The following MBNL3 variants were observed in gnomAD, a reference collection of about 807,000 sequenced individuals.
MBNL3 encodes the protein muscleblind-like protein 3.
Under a neutral mutation model 24.5 loss-of-function variants are expected in MBNL3, and 6 were observed. The ratio of observed to expected loss-of-function variants is 0.25; its 90% confidence interval spans 0.13 to 0.48. The LOEUF is 0.48. Among genes scored for constraint, MBNL3 ranks in the 20% least tolerant of loss-of-function variants. MBNL3 has a pLI of 0.99. For missense variants in MBNL3, 230 were observed against 293.5 expected (o/e 0.78, Z 1.58); for synonymous variants, 100 against 101.7 (o/e 0.98, Z 0.10).
chrX:132,413,362 T>G, intron 2 of MBNL3: 1 of 525,865 alleles, frequency 1.9e-6, no homozygotes, highest in Non-Finnish European at 2.9e-6. Flanking sequence ...AAAAAAATTT[T>G]TTAGTATAAG....
At chrX:132,414,275 A>G (rs773443457) in intron 2 of MBNL3, among the ~76,000 whole-genome samples, 2 of 112,671 alleles carry the variant, frequency 1.8e-5, no homozygotes, top group South Asian at 7.3e-4. Context: ...TTATTTTTTC[A>G]TTAAGAATGC....
intron 1 of MBNL3, among the ~76,000 whole-genome samples, chrX:132,472,333 T>C (rs1443245221): frequency 8.9e-6 from 1 of 112,062 alleles, no homozygotes; most frequent in Non-Finnish European, 1.9e-5. Flanking sequence ...GGAGGTCTGA[T>C]GATGTACAGA....
intron 1 of MBNL3, among the ~76,000 whole-genome samples, chrX:132,475,404 A>G (rs777108473): frequency 1.8e-5 from 2 of 112,242 alleles, no homozygotes; most frequent in Admixed American, 9.5e-5. Flanking sequence ...CAAATGATGA[A>G]GCAAGACAGA....
intron 1 of MBNL3, among the ~76,000 whole-genome samples, chrX:132,453,720 A>C (rs754547459): frequency 1.8e-5 from 2 of 111,478 alleles, no homozygotes; most frequent in African/African-American, 6.5e-5. Context: ...TTGAACAATA[A>C]ATTTTTGGGT....
chrX:132,388,219 G>C (rs927784783), intron 5 of MBNL3, among the ~76,000 whole-genome samples: 1 of 111,713 alleles, frequency 9.0e-6, no homozygotes, highest in African/African-American at 3.3e-5. Context: ...CCTAAATAAA[G>C]AAAAGCATGC....
At chrX:132,396,419 TATATATATTCCTATATATATTC>T (rs1200524588) in intron 3 of MBNL3, among the ~76,000 whole-genome samples, 4 of 79,576 alleles carry the variant, frequency 5.0e-5, no homozygotes, top group Admixed American at 1.6e-4. Context: ...TATATTCCTA[TATATATATTCCTATATATATTC>T]ATATATATTC....
Position 132,373,907 on chromosome X carries a change from A to C in MBNL3, c.*5759T>G, listed in dbSNP as rs1295036306. The C allele has an allele frequency of 9.0e-6, 1 of 111,728 alleles. No homozygotes were observed. Among genetic ancestry groups the C allele is most frequent in the Non-Finnish European group, 1.9e-5 (1 of 52,977 alleles). The allele number at this position is 111,728 out of a possible 1,213,427, so 9.2% of individuals were successfully genotyped here. On this transcript the variant is annotated 3_prime_UTR_variant, in exon 9 of 9. Coordinates refer to ENST00000370853, the MANE Select transcript of MBNL3 (RefSeq NM_001386889.1). ...TAATCTGGTAAAGGTAGGTCAAAAA[A>C]CAGCTTCCACTGAACAGGTATAATG...
intron 8 of MBNL3, 39 bp downstream of exon 8, chrX:132,382,139 A>G (rs1429261283): frequency 8.9e-7 from 1 of 1,127,790 alleles, no homozygotes; most frequent in Non-Finnish European, 1.2e-6. Flanking sequence ...AAAACATTGT[A>G]GTTATCTTGA....
chrX:132,409,032 A>G (rs924053518), intron 2 of MBNL3, among the ~76,000 whole-genome samples: 1 of 112,476 alleles, frequency 8.9e-6, no homozygotes, highest in Non-Finnish European at 1.9e-5. Flanking sequence ...GAGGAGACCA[A>G]GTAATTTAAC....
At chrX:132,429,958 T>C (rs1944604079) in intron 2 of MBNL3, 1 of 111,718 alleles carries the variant, frequency 9.0e-6, no homozygotes, top group Non-Finnish European at 1.9e-5. Context: ...AACTGAACGT[T>C]CTTCCTTCTA....
intron 2 of MBNL3, among the ~76,000 whole-genome samples, chrX:132,412,312 TG>T (rs1243007269): frequency 1.8e-5 from 2 of 111,363 alleles, no homozygotes; most frequent in Admixed American, 9.5e-5. Flanking sequence ...AATCAGCACC[TG>T]GGCCTGCCCA....
chrX:132,396,317 T>G (rs1239649271), intron 3 of MBNL3, among the ~76,000 whole-genome samples: 2 of 65,477 alleles, frequency 3.1e-5, no homozygotes, highest in African/African-American at 1.1e-4. Flanking sequence ...AAGCACCAAA[T>G]ATATATTCAT....
chrX:132,410,112 C>A (rs1942510930), intron 2 of MBNL3, among the ~76,000 whole-genome samples: 1 of 112,044 alleles, frequency 8.9e-6, no homozygotes, highest in Admixed American at 9.4e-5. Context: ...AAGTTGATGA[C>A]AGACAAAGGG....
intron 3 of MBNL3, among the ~76,000 whole-genome samples, chrX:132,396,568 CTATATATATTCCTA>C (rs1480016663): frequency 9.6e-5 from 3 of 31,316 alleles, no homozygotes; most frequent in Non-Finnish European, 1.4e-4. Flanking sequence ...ATATATATTC[CTATATATATTCCTA>C]TATATATTCC....
At chrX:132,380,099 A>G (rs996295443) in intron 8 of MBNL3, among the ~76,000 whole-genome samples, 2 of 112,353 alleles carry the variant, frequency 1.8e-5, no homozygotes, top group Non-Finnish European at 3.8e-5. Flanking sequence ...GAAGTAGCCT[A>G]CCTGTGAAAT....
At chrX:132,424,581 G>C (rs1313415700) in intron 2 of MBNL3, among the ~76,000 whole-genome samples, 4 of 111,713 alleles carry the variant, frequency 3.6e-5, no homozygotes, top group Non-Finnish European at 7.5e-5. Flanking sequence ...ATTCTCTCTT[G>C]GGGGTGGAGG....
chrX:132,390,265 C>CAAA (rs59093044), intron 5 of MBNL3, among the ~76,000 whole-genome samples: 19 of 31,605 alleles, frequency 6.0e-4, no homozygotes, highest in South Asian at 3.9e-3. Flanking sequence ...ACAACAACAA[C>CAAA]AAAAAAAAAA....
chrX:132,471,469 G>A, intron 1 of MBNL3, among the ~76,000 whole-genome samples: 1 of 112,379 alleles, frequency 8.9e-6, no homozygotes, highest in Non-Finnish European at 1.9e-5. Flanking sequence ...AGGATCGCTT[G>A]AGCCCAGGAG....
chrX:132,406,511 G>T, intron 2 of MBNL3, 119 bp from the exon 3 acceptor site: 1 of 618,535 alleles, frequency 1.6e-6, no homozygotes, highest in Non-Finnish European at 2.4e-6. Flanking sequence ...ATCCATATAA[G>T]GCGAGAAACA....
Sources: gnomAD v4.1 joint callset for allele counts (sites outside exome capture counted in the v4.1 genomes callset) on GRCh38, gnomAD v4.1.1 for gene constraint, MANE v1.5 for transcripts, NCBI Gene and HGNC (gene_info 2026-07-23, HGNC 2026-07-21) for gene names.